The following MEGF9 variants were observed in gnomAD, a reference collection of about 807,000 sequenced individuals.
MEGF9 encodes multiple EGF like domains 9, also known as multiple epidermal growth factor-like domains protein 9.
Under a neutral mutation model 46.8 loss-of-function variants are expected in MEGF9, and 6 were observed. The ratio of observed to expected loss-of-function variants is 0.13; its 90% CI spans 0.07 to 0.25. The LOEUF is 0.25. MEGF9 is among the 10% of genes least tolerant of loss of function. The pLI is 1.00. For synonymous variants in MEGF9, 302 were observed against 330.7 expected, an observed-to-expected ratio of 0.91 and a Z score of 0.94; for missense variants, 683 against 792.4, an observed-to-expected ratio of 0.86 and a Z score of 1.66.
intron 2 of MEGF9, among the ~76,000 whole-genome samples, chr9:120,647,896 AGC>A (rs1360927848): frequency 6.6e-6 from 1 of 152,110 alleles, no homozygotes; most frequent in Admixed American, 6.5e-5. Flanking sequence ...TATGTGCTCA[AGC>A]CAGAAACATG....
At chr9:120,650,491 G>A (rs1554796740) in intron 2 of MEGF9, among the ~76,000 whole-genome samples, 1 of 152,228 alleles carries the variant, frequency 6.6e-6, no homozygotes, top group Non-Finnish European at 1.5e-5. Context: ...GTGAGGGGGT[G>A]GACATCCGTC....
At chr9:120,674,854 G>A (rs2043765562) in intron 1 of MEGF9, among the ~76,000 whole-genome samples, 1 of 149,492 alleles carries the variant, frequency 6.7e-6, no homozygotes, top group Non-Finnish European at 1.5e-5. Context: ...ACAGGTGTGA[G>A]CTACCACATC....
At position 120,713,948 on chromosome 9, in the gene MEGF9, A is replaced by C; in HGVS notation, c.411T>G (p.Ser137=). ...PPAAERTSTT[S]QAPTRPAPTT... ...TCGGCGCGGGTCTGGTCGGCGCCTG[A>C]GAGGTGGTCGAAGTGCGTTCCGCCG... Residue 137 remains serine, a synonymous_variant, in exon 1 of 6, where the codon TCT becomes TCG. Transcript: ENST00000373930. The C allele has an allele frequency of 7.3e-7, 1 of 1,378,502 alleles. No homozygotes were observed. Among genetic ancestry groups the C allele is most frequent in the Non-Finnish European group, 9.4e-7 (1 of 1,062,378 alleles). The allele number at this position is 1,378,502 out of a possible 1,614,324, so 85.4% of individuals were successfully genotyped here. A position where few individuals can be genotyped will look rare whatever the true frequency, so the allele number is the denominator to read the frequency against.
chr9:120,622,540 C>T (rs899912897), intron 3 of MEGF9, 76 bp downstream of exon 3: 3 of 1,461,126 alleles, frequency 2.1e-6, no homozygotes, highest in Non-Finnish European at 1.9e-6. Flanking sequence ...TCAGAAGAAT[C>T]AACCTATAGC....
At chr9:120,685,963 G>C (rs78205923) in intron 1 of MEGF9, among the ~76,000 whole-genome samples, 1,626 of 152,112 alleles carry the variant, frequency 0.011, 31 homozygotes, top group African/African-American at 0.034. Context: ...AAATAAACTA[G>C]TCACAAAACA....
At chr9:120,647,032 A>C (rs1333755181) in intron 2 of MEGF9, among the ~76,000 whole-genome samples, 1 of 152,224 alleles carries the variant, frequency 6.6e-6, no homozygotes, top group African/African-American at 2.4e-5. Flanking sequence ...AAAATGAAAT[A>C]AGTAGAGGAG....
chr9:120,705,841 A>G (rs2043926849), intron 1 of MEGF9, among the ~76,000 whole-genome samples: 1 of 152,170 alleles, frequency 6.6e-6, no homozygotes, highest in Non-Finnish European at 1.5e-5. Flanking sequence ...TATACTTGAA[A>G]AAAAGCCTAA....
intron 3 of MEGF9, among the ~76,000 whole-genome samples, chr9:120,613,712 A>G (rs938038343): frequency 6.6e-6 from 1 of 152,194 alleles, no homozygotes; most frequent in Non-Finnish European, 1.5e-5. Context: ...GTGTAACATA[A>G]TTTACATTCC....
chr9:120,611,822 GAAAA>G (rs754274848), intron 4 of MEGF9, among the ~76,000 whole-genome samples: 13 of 117,210 alleles, frequency 1.1e-4, no homozygotes, highest in African/African-American at 3.5e-4. Context: ...GAAAAGAAAA[GAAAA>G]GAAAGAAAGG....
intron 4 of MEGF9, among the ~76,000 whole-genome samples, chr9:120,611,302 C>T (rs1001148565): frequency 2.0e-5 from 3 of 152,094 alleles, no homozygotes; most frequent in Admixed American, 6.6e-5. Context: ...TACAAATGTT[C>T]ACAGCAGCAT....
At position 120,608,585 on chromosome 9, in the gene MEGF9, C is replaced by T. The variant is rs117045139; in HGVS notation, c.1088-575G>A. The stretch of plus-strand genomic sequence containing the variant: ...CATCCACTGACATCATCAACAATTC[C>T]AATATGTGTATGTGTATCTCTAGTC... On this transcript the variant is annotated intron_variant, in intron 4 of 5. Coordinates refer to ENST00000373930, the MANE Select transcript of MEGF9 (RefSeq NM_001080497.3). Among the ~76,000 whole-genome samples the T allele has an allele frequency of 5.5e-3, 845 of 152,292 alleles. 7 individuals carry two copies. The highest frequency in any genetic ancestry group is 0.023 in the South Asian group (110 of 4,824).
chr9:120,661,112 A>T (rs2043699843), intron 1 of MEGF9, among the ~76,000 whole-genome samples: 1 of 152,234 alleles, frequency 6.6e-6, no homozygotes, highest in Non-Finnish European at 1.5e-5. Context: ...CCTCAAAGAA[A>T]TTCCCACTTG....
intron 1 of MEGF9, among the ~76,000 whole-genome samples, chr9:120,694,784 T>C (rs781082632): frequency 2.0e-5 from 3 of 152,202 alleles, no homozygotes; most frequent in Non-Finnish European, 2.9e-5. Context: ...ATTGCCCTTT[T>C]CTGGTTATGT....
chr9:120,645,508 T>C (rs1047143693), intron 2 of MEGF9, among the ~76,000 whole-genome samples: 2 of 152,176 alleles, frequency 1.3e-5, no homozygotes, highest in African/African-American at 2.4e-5. Flanking sequence ...TGAGAAACAG[T>C]AGGATTAGTG....
At chr9:120,676,226 T>C (rs2043772734) in intron 1 of MEGF9, among the ~76,000 whole-genome samples, 1 of 152,156 alleles carries the variant, frequency 6.6e-6, no homozygotes, top group South Asian at 2.1e-4. Context: ...AGTCCACAAG[T>C]TCAGCCTGGG....
chr9:120,605,198 T>C lies in MEGF9; in HGVS notation c.1801A>G (p.Lys601Glu), dbSNP rs756124436. Residue 601 changes from lysine to glutamate, a missense_variant, in exon 6 of 6, where the codon AAA becomes GAA. Physicochemically the swap from Lys to Glu is moderately conservative, Grantham distance 56. Transcript: ENST00000373930. This position sits in a 1 kb window ranked among gnomAD's most constrained non-coding sequence, Gnocchi z 4.0. Reference protein sequence around the residue: ...LTLTTPIHNYKA With the variant: ...LTLTTPIHNYEA ...AGAACAGTTCTAGCTCCTTAGGCTT[T>C]GTAGTTATGTATGGGCGTCGTCAGG... The C allele has an allele frequency of 6.2e-7, 1 of 1,612,690 alleles. No homozygotes were observed. Among genetic ancestry groups the C allele is most frequent in the Non-Finnish European group, 8.5e-7 (1 of 1,179,134 alleles).
intron 3 of MEGF9, among the ~76,000 whole-genome samples, chr9:120,617,892 AG>A (rs2043479238): frequency 6.6e-6 from 1 of 152,250 alleles, no homozygotes; most frequent in South Asian, 2.1e-4. Context: ...AGTAATAAAA[AG>A]GAGCAAAATC....
At chr9:120,662,341 A>G (rs533811976) in intron 1 of MEGF9, among the ~76,000 whole-genome samples, 1 of 152,264 alleles carries the variant, frequency 6.6e-6, no homozygotes, top group Non-Finnish European at 1.5e-5. Context: ...CACATATTCA[A>G]ACCTATTCTC....
intron 4 of MEGF9, among the ~76,000 whole-genome samples, chr9:120,611,276 C>T (rs1316892548): frequency 6.6e-6 from 1 of 152,060 alleles, no homozygotes; most frequent in African/African-American, 2.4e-5. Flanking sequence ...AATATATGTA[C>T]ATACAAAAAC....
Sources: allele counts gnomAD v4.1 joint callset (sites outside exome capture counted in the v4.1 genomes callset), GRCh38; gene constraint gnomAD v4.1.1; non-coding constraint Gnocchi (gnomAD v3.1); transcripts MANE v1.5; gene names NCBI Gene and HGNC (gene_info 2026-07-23, HGNC 2026-07-21).